TTC14: variants seen among roughly 807,000 people sequenced by gnomAD.
The protein encoded by TTC14 is tetratricopeptide repeat protein 14.
TTC14 carries 63 observed loss-of-function variants against 79.9 expected under a neutral mutation model. That is an observed-to-expected ratio of 0.79 (90% CI 0.64 to 0.97). TTC14 has a LOEUF of 0.97. Among genes scored for constraint, TTC14 ranks in the 50% least tolerant of loss-of-function variants. The probability of loss-of-function intolerance (pLI) is 0.00; values close to 1 mark genes in which losing one functional copy is unlikely to be tolerated. For synonymous variants in TTC14, 335 were observed against 309.6 expected, an observed-to-expected ratio of 1.08 and a Z score of -0.86; for missense variants, 895 against 894.0, an observed-to-expected ratio of 1.00 and a Z score of -0.01.
chr3:180,611,604 T>A (rs1716998970), downstream of TTC14, among the ~76,000 whole-genome samples: 1 of 152,194 alleles, frequency 6.6e-6, no homozygotes, highest in Non-Finnish European at 1.5e-5. Context: ...CAAAGAGACT[T>A]GGATTATAAA....
At chr3:180,617,253 C>G (rs1387170969) in intron 12 of TTC14, 2 of 471,142 alleles carry the variant, frequency 4.2e-6, no homozygotes, top group Admixed American at 3.7e-5. Flanking sequence ...GTAAACAAAC[C>G]TGCATTGCCA....
chr3:180,616,655 G>A (rs1439938595), intron 12 of TTC14: 5 of 1,592,504 alleles, frequency 3.1e-6, no homozygotes, highest in South Asian at 1.1e-5. Context: ...TTCATCTTTT[G>A]TGTCTTTCAA....
At chr3:180,612,329 C>T (rs111851403), downstream of TTC14, among the ~76,000 whole-genome samples, 1,548 of 152,174 alleles carry the variant, frequency 0.01, 19 homozygotes, top group African/African-American at 0.036. Context: ...ATGGATCTAT[C>T]GTGTAGTGGT....
In TTC14 at chr3:180,602,194, G is replaced by C; in HGVS notation, c.-68G>C. ...TTTCTTCCGCTTCCTGTACCACCCGGCTCAAGTAGCGGACACGGAACAGGG... is the reference window on the plus strand; with the variant it reads ...TTTCTTCCGCTTCCTGTACCACCCGCCTCAAGTAGCGGACACGGAACAGGG... On this transcript the variant is annotated 5_prime_UTR_variant, in exon 1 of 12. Coordinates refer to ENST00000296015, the MANE Select transcript of TTC14 (RefSeq NM_133462.4). 1.9e-6 allele frequency: 3 copies of C among 1,578,302 alleles called. No homozygotes were observed. The highest frequency in any genetic ancestry group is 2.6e-6 in the Non-Finnish European group (3 of 1,161,452).
At chr3:180,618,128 A>G (rs1185766260), downstream of TTC14, among the ~76,000 whole-genome samples, 1 of 152,206 alleles carries the variant, frequency 6.6e-6, no homozygotes, top group Non-Finnish European at 1.5e-5. Context: ...ACAATAGGCT[A>G]TACCATCTAG....
intron 1 of TTC14, 191 bp downstream of exon 1, chr3:180,602,613 C>CT: frequency 1.2e-6 from 1 of 800,200 alleles, no homozygotes; most frequent in South Asian, 1.9e-5. Context: ...GCGGGCTGAA[C>CT]TTTTTCTCTG....
intron 10 of TTC14, 29 bp from the exon 11 acceptor site, chr3:180,608,672 G>A (rs989853955): frequency 2.0e-6 from 3 of 1,476,530 alleles, no homozygotes; most frequent in Non-Finnish European, 2.7e-6. Context: ...TTTAACGTGT[G>A]GTTTTTTTCG....
intron 12 of TTC14, chr3:180,617,020 A>G (rs1717273479): frequency 8.3e-6 from 8 of 961,314 alleles, no homozygotes; most frequent in Middle Eastern, 2.9e-4. Context: ...GACTTTTATA[A>G]CTTGTCATTT....
chr3:180,611,004 T>G lies in TTC14; in HGVS notation c.*462T>G. 1 of 935,068 alleles carries G rather than the reference T, an allele frequency of 1.1e-6. No individual in the cohort carries two copies. The highest frequency in any genetic ancestry group is 4.9e-5 in the South Asian group (1 of 20,220). The allele number at this position is 935,068 out of a possible 1,614,324, so 57.9% of individuals were successfully genotyped here. ...ATATGTTCGAATGTTTCTTGAACAC[T>G]TTTATATTTATCAGTTTAAATATTA... On this transcript the variant is annotated 3_prime_UTR_variant, in exon 12 of 12. Coordinates refer to ENST00000296015, the MANE Select transcript of TTC14 (RefSeq NM_133462.4).
Position 180,604,410 on chromosome 3 carries a change from T to C in TTC14, c.572-68T>C, listed in dbSNP as rs191910080. On this transcript the variant is annotated intron_variant, in intron 4 of 11. Transcript: ENST00000296015. ...TCTAAGAGGGTAGTGTTTGGGAAAG[T>C]TTATATTTTTTATGTTAGTTTACAT... 200 of 1,547,050 alleles carry C rather than the reference T, an allele frequency of 1.3e-4. No homozygotes were observed. The East Asian group carries it at 4.2e-3, about 32-fold the overall frequency.
Position 180,605,857 on chromosome 3 carries a change from A to G in TTC14, c.929+20A>G. 1.9e-6 allele frequency: 3 copies of G among 1,572,680 alleles called. No homozygotes were observed. The highest frequency in any genetic ancestry group is 2.6e-6 in the Non-Finnish European group (3 of 1,168,520). On this transcript the variant is annotated intron_variant, in intron 7 of 11. Coordinates refer to ENST00000296015, the MANE Select transcript of TTC14 (RefSeq NM_133462.4). ...AAAATGGTATGAAGACTGTCTTTCA[A>G]CAATTGCATTATATCTAGTCTAAAA...
intron 12 of TTC14, chr3:180,616,985 CAT>C (rs759825544): frequency 3.3e-6 from 4 of 1,211,586 alleles, no homozygotes; most frequent in Non-Finnish European, 4.5e-6. Context: ...AAAATATTAA[CAT>C]GTATTTTTTA....
chr3:180,616,156 G>T, intron 12 of TTC14: 1 of 758,316 alleles, frequency 1.3e-6, no homozygotes, highest in Non-Finnish European at 2.3e-6. Context: ...ATGTCTGACA[G>T]TGAAAAGAAC....
chr3:180,609,168 C>G (rs538456296), intron 11 of TTC14: 3 of 639,074 alleles, frequency 4.7e-6, no homozygotes, highest in Non-Finnish European at 5.9e-6. Flanking sequence ...ATTGCCATAA[C>G]TGATAGGGTG....
rs1003822100 is a variant in TTC14 at position 180,610,246 on chromosome 3, G to A, written c.2017G>A (p.Ala673Thr). ...TTCTGTGAGGCATTCTACCTCACCA[G>A]CAAGCTCAGAATACTCTTGGAAGTC... ...PGSVRHSTSP[A>T]SSEYSWKSVE... The change falls in exon 12 of 12, where the codon GCA becomes ACA. Residue 673 changes from alanine (A) to threonine (T), a missense_variant. Physicochemically the swap from Ala to Thr is moderately conservative, Grantham distance 58 (BLOSUM62 0). Coordinates refer to ENST00000296015, the MANE Select transcript of TTC14 (RefSeq NM_133462.4). 6.2e-7 allele frequency: 1 copy of A among 1,614,024 alleles called. No homozygotes were observed. The highest frequency in any genetic ancestry group is 8.5e-7 in the Non-Finnish European group (1 of 1,179,940).
At chr3:180,608,340 T>G (rs1716805761) in intron 10 of TTC14, 1 of 986,920 alleles carries the variant, frequency 1.0e-6, no homozygotes, top group Admixed American at 6.1e-5. Context: ...TGAATTTTAT[T>G]TGTAAAATGT....
Position 180,608,752 on chromosome 3 carries a change from A to C in TTC14, c.1342A>C (p.Thr448Pro). 6.4e-7 allele frequency: 1 copy of C among 1,564,070 alleles called. No individual in the cohort carries two copies. Among genetic ancestry groups the C allele is most frequent in the Non-Finnish European group, 8.6e-7 (1 of 1,158,408 alleles). Residue 448 changes from threonine (T) to proline (P), a missense_variant, in exon 11 of 12, where the codon ACA becomes CCA. Transcript: ENST00000296015. The part of the protein sequence containing the change: ...KQAEKEEKQK[T>P]KKIETSAEKL... ...AGCTGAAAAGGAAGAAAAGCAGAAA[A>C]CAAAGAAAATAGAAACAAGTGCAGA... is the stretch of plus-strand genomic sequence containing the variant.
intron 12 of TTC14, chr3:180,616,413 A>G (rs1576929619): frequency 6.5e-7 from 1 of 1,534,626 alleles, no homozygotes; most frequent in East Asian, 2.3e-5. Flanking sequence ...TGTTTTTTAG[A>G]AGATAAATAT....
At position 180,604,171 on chromosome 3, in the gene TTC14, CT is replaced by C. The variant is rs757454779; in HGVS notation, c.487-53del. 2.1e-6 allele frequency: 3 copies of C among 1,457,062 alleles called. No homozygotes were observed. The South Asian group carries it at 3.5e-5, about 17-fold the overall frequency. 90.3% of individuals were successfully genotyped at this position (1,457,062 alleles called of 1,614,324 possible). A position where few individuals can be genotyped will look rare whatever the true frequency, so the allele number is the denominator to read the frequency against. ...CAAACAACTAAGATAAAAGAAGACA[CT>C]GTTCTTATCAAAGCTTGAAATGTCT... On this transcript the variant is annotated intron_variant, in intron 3 of 11. Coordinates refer to ENST00000296015, the MANE Select transcript of TTC14 (RefSeq NM_133462.4).
Sources: allele counts gnomAD v4.1 joint callset (sites outside exome capture counted in the v4.1 genomes callset), GRCh38; gene constraint gnomAD v4.1.1; transcripts MANE v1.5; gene names NCBI Gene and HGNC (gene_info 2026-07-23, HGNC 2026-07-21).